The following FGGY variants were observed in gnomAD, a reference collection of about 807,000 sequenced individuals.
FGGY encodes the protein FGGY carbohydrate kinase domain containing, also known as FGGY carbohydrate kinase domain-containing protein.
FGGY carries 72 observed loss-of-function variants against 71.3 expected under a neutral mutation model. The ratio of observed to expected loss-of-function variants is 1.01; its 90% CI spans 0.84 to 1.23. The LOEUF is 1.23. Among genes scored for constraint, FGGY ranks in the 50% most tolerant of loss-of-function variants. The pLI is 0.00. For synonymous variants in FGGY, 251 were observed against 250.3 expected (o/e 1.00, Z -0.02); for missense variants, 668 against 682.3 (o/e 0.98, Z 0.23).
intron 10 of FGGY, among the ~76,000 whole-genome samples, chr1:59,634,809 TA>T (rs1335880987): frequency 1.2e-4 from 19 of 152,234 alleles, no homozygotes; most frequent in Non-Finnish European, 2.5e-4. Flanking sequence ...TAGCAGCCTT[TA>T]AGTAGACAGT....
intron 6 of FGGY, among the ~76,000 whole-genome samples, chr1:59,484,579 T>C (rs2093603018): frequency 6.6e-6 from 1 of 152,218 alleles, no homozygotes; most frequent in Non-Finnish European, 1.5e-5. Flanking sequence ...ATCCTTGTGA[T>C]TGGAAAAATG....
chr1:59,742,728 TACTC>T (rs2098161601), intron 14 of FGGY, among the ~76,000 whole-genome samples: 1 of 152,228 alleles, frequency 6.6e-6, no homozygotes, highest in Non-Finnish European at 1.5e-5. Flanking sequence ...CACGTGTCCT[TACTC>T]ACTCCTGGCA....
intron 5 of FGGY, among the ~76,000 whole-genome samples, chr1:59,428,459 G>C (rs928463715): frequency 6.6e-6 from 1 of 152,322 alleles, no homozygotes; most frequent in Middle Eastern, 3.4e-3. Flanking sequence ...GAATACCTCA[G>C]TACAGTAATT....
At chr1:59,458,219 G>C (rs908611012) in intron 6 of FGGY, among the ~76,000 whole-genome samples, 1 of 152,140 alleles carries the variant, frequency 6.6e-6, no homozygotes, top group Non-Finnish European at 1.5e-5. Flanking sequence ...ATGGTATGTT[G>C]TTAAACATAG....
chr1:59,395,034 T>C (rs1423842735), intron 5 of FGGY, among the ~76,000 whole-genome samples: 2 of 151,966 alleles, frequency 1.3e-5, no homozygotes, highest in South Asian at 4.2e-4. Context: ...TAAATATTAT[T>C]TGTGAATTTT....
At chr1:59,493,931 C>A (rs2093956540) in intron 6 of FGGY, among the ~76,000 whole-genome samples, 1 of 152,050 alleles carries the variant, frequency 6.6e-6, no homozygotes, top group African/African-American at 2.4e-5. Context: ...AAAATTAAAT[C>A]TATTATTTCT....
intron 5 of FGGY, among the ~76,000 whole-genome samples, chr1:59,386,849 A>C (rs2060128132): frequency 6.6e-6 from 1 of 152,072 alleles, no homozygotes; most frequent in African/African-American, 2.4e-5. Flanking sequence ...GAATTTCTAT[A>C]ATTTTAGGTT....
chr1:59,584,146 C>G lies in FGGY; in HGVS notation c.904-23657C>G, dbSNP rs1239976647. 3.3e-5 allele frequency among the ~76,000 whole-genome samples: 5 copies of G among 149,784 alleles called. No homozygotes were observed. The East Asian group carries it at 9.7e-4, about 29-fold the overall frequency. On this transcript the variant is annotated intron_variant, in intron 8 of 15. Coordinates refer to ENST00000303721, the MANE Select transcript of FGGY (RefSeq NM_018291.5). ...TCCAGCCAATAGAAAAAGAGGGAAT[C>G]CTCCCTAACTCATTTTATGAGGCCA...
chr1:59,638,213 T>C lies in FGGY; in HGVS notation c.1074-15T>C. On this transcript the variant is annotated splice_polypyrimidine_tract_variant and intron_variant, in intron 10 of 15. Coordinates refer to ENST00000303721, the MANE Select transcript of FGGY (RefSeq NM_018291.5). ...CCTATCCCCCCTTTAAAAATAAAATTCACTTCTCTTCCAGATGCCAGAGTA... is the reference window on the plus strand; with the variant it reads ...CCTATCCCCCCTTTAAAAATAAAATCCACTTCTCTTCCAGATGCCAGAGTA... The C allele has an allele frequency of 6.2e-7, 1 of 1,610,660 alleles. No homozygotes were observed. The highest frequency in any genetic ancestry group is 8.5e-7 in the Non-Finnish European group (1 of 1,178,052).
At chr1:59,650,883 C>A in intron 11 of FGGY, among the ~76,000 whole-genome samples, 1 of 149,050 alleles carries the variant, frequency 6.7e-6, no homozygotes, top group African/African-American at 2.6e-5. Flanking sequence ...CTCTTGTGGG[C>A]ATTTAGTGCT....
rs772540010 is a variant in FGGY at position 59,378,810 on chromosome 1, C to G, written c.527C>G (p.Ser176Trp). ...GHFFDLPDFL[S>W]WKATGVTARS... Reference sequence around the variant, plus strand: ...TTCTTTGATCTCCCGGACTTCTTATCGTGGAAGGCAACAGGTGTCACAGCA... The same window carrying G: ...TTCTTTGATCTCCCGGACTTCTTATGGTGGAAGGCAACAGGTGTCACAGCA... The change falls in exon 5 of 16, where the codon TCG (serine) becomes TGG (tryptophan). Residue 176 changes from serine to tryptophan, a missense_variant. Around this residue, in one of 2 missense-constraint regions of FGGY, gnomAD observed 661 missense variants for 661.6 expected, o/e 1.00. Coordinates refer to ENST00000303721, the MANE Select transcript of FGGY (RefSeq NM_018291.5). The G allele has an allele frequency of 1.2e-6, 2 of 1,613,392 alleles. No individual in the cohort carries two copies. The highest frequency in any genetic ancestry group is 1.1e-5 in the South Asian group (1 of 91,050).
chr1:59,389,004 G>A (rs1438886064), intron 5 of FGGY, among the ~76,000 whole-genome samples: 1 of 152,064 alleles, frequency 6.6e-6, no homozygotes, highest in Non-Finnish European at 1.5e-5. Flanking sequence ...CCGGAGTGCA[G>A]TGTCGTAATT....
At position 59,515,813 on chromosome 1, in the gene FGGY, T is replaced by C. The variant is rs564546217; in HGVS notation, c.799+3374T>C. On this transcript the variant is annotated intron_variant, in intron 7 of 15. Transcript: ENST00000303721. The stretch of plus-strand genomic sequence containing the variant: ...GTGGAACTGTAAGTCAAATTAAACA[T>C]CCTATTCTTCCCAGTCTCAGGTTTG... 4.9e-4 allele frequency among the ~76,000 whole-genome samples: 74 copies of C among 152,330 alleles called. 1 individual carries two copies. The highest frequency in any genetic ancestry group is 2.0e-3 in the Admixed American group (30 of 15,298).
At chr1:59,667,227 C>T (rs1283115868) in intron 12 of FGGY, 56 bp from the exon 13 acceptor site, 1 of 1,608,846 alleles carries the variant, frequency 6.2e-7, no homozygotes, top group Admixed American at 1.7e-5. Context: ...AAGAAGTGTT[C>T]CCTAGTGTTT....
intron 6 of FGGY, among the ~76,000 whole-genome samples, chr1:59,463,807 A>G (rs2092428038): frequency 6.6e-6 from 1 of 152,254 alleles, no homozygotes. Flanking sequence ...TTCAACAAGA[A>G]GAGCTAACTA....
chr1:59,440,881 G>A (rs968206610), intron 5 of FGGY, among the ~76,000 whole-genome samples: 1 of 151,646 alleles, frequency 6.6e-6, no homozygotes, highest in East Asian at 1.9e-4. Context: ...GTGAATGGAA[G>A]TGTGACCCAT....
chr1:59,631,874 A>G (rs1270933891), intron 10 of FGGY, among the ~76,000 whole-genome samples: 4 of 152,114 alleles, frequency 2.6e-5, no homozygotes, highest in African/African-American at 9.7e-5. Flanking sequence ...CAGATATTTC[A>G]CTCTTTAGCA....
At chr1:59,626,119 G>T (rs922062024) in intron 10 of FGGY, 70 bp downstream of exon 10, 7 of 1,329,920 alleles carry the variant, frequency 5.3e-6, no homozygotes, top group African/African-American at 1.5e-5. Flanking sequence ...ACGTTGGGCA[G>T]TTGGGTGATT....
chr1:59,627,053 C>T (rs1220060064), intron 10 of FGGY, among the ~76,000 whole-genome samples: 1 of 151,382 alleles, frequency 6.6e-6, no homozygotes, highest in African/African-American at 2.4e-5. Context: ...CCTGATACCC[C>T]GATAAAATAG....
Sources: gnomAD v4.1 joint callset for allele counts (sites outside exome capture counted in the v4.1 genomes callset) on GRCh38, gnomAD v4.1.1 for gene constraint, gnomAD v4.1.1 regional missense constraint, MANE v1.5 for transcripts, NCBI Gene and HGNC (gene_info 2026-07-23, HGNC 2026-07-21) for gene names.